Variants in ARHGAP22 observed in about 807,000 individuals in gnomAD.
The protein encoded by ARHGAP22 is Rho GTPase activating protein 22, also known as rho GTPase-activating protein 22.
A neutral mutation model predicts 59.1 loss-of-function variants in ARHGAP22; 48 were observed. That is an observed-to-expected ratio of 0.81 (90% CI 0.64 to 1.03). The LOEUF is 1.03. Ranked by LOEUF, ARHGAP22 falls within the 50% of genes least tolerant of loss-of-function variation. ARHGAP22 has a pLI of 0.00. For missense variants in ARHGAP22, 1,015 were observed against 958.7 expected (o/e 1.06, Z -0.78); for synonymous variants, 445 against 416.4 (o/e 1.07, Z -0.84).
the ARHGAP22 span, among the ~76,000 whole-genome samples, chr10:48,434,135 A>G: frequency 6.6e-6 from 1 of 152,190 alleles, no homozygotes; most frequent in Non-Finnish European, 1.5e-5. Context: ...AATCCAGGAA[A>G]TGCTTGTTAG....
rs548814141 is a variant in ARHGAP22 at position 48,530,967 on chromosome 10, C to T, written c.322+24496G>A. 9.9e-4 allele frequency among the ~76,000 whole-genome samples: 151 copies of T among 152,322 alleles called. 2 individuals are homozygous for T. Among genetic ancestry groups the T allele is most frequent in the Non-Finnish European group, 1.9e-3 (131 of 68,034 alleles). On this transcript the variant is annotated intron_variant, in intron 3 of 9. Coordinates refer to ENST00000249601, the MANE Select transcript of ARHGAP22 (RefSeq NM_021226.4). ...AGTCATTATATGAAAAAGATACTTG[C>T]ACACGCATGTTTATAGCAGCGCAAT...
intron 4 of ARHGAP22, among the ~76,000 whole-genome samples, chr10:48,466,380 C>A (rs4444029): frequency 2.0e-5 from 3 of 151,990 alleles, no homozygotes; most frequent in African/African-American, 7.2e-5. Context: ...GCACGACCCT[C>A]GCCCCCTGGG....
At chr10:48,507,911 TGGGGTGGGGGTGGGGGTG>T (rs1396846713) in intron 3 of ARHGAP22, among the ~76,000 whole-genome samples, 24 of 4,784 alleles carry the variant, frequency 5.0e-3, no homozygotes, top group African/African-American at 0.018. Context: ...GGGGTGGGGG[TGGGGTGGGGGTGGGGGTG>T]GGGGGGGATC....
intron 1 of ARHGAP22, among the ~76,000 whole-genome samples, chr10:48,591,193 G>T (rs959366250): frequency 6.6e-6 from 1 of 152,160 alleles, no homozygotes; most frequent in Non-Finnish European, 1.5e-5. Context: ...CTGCGAGCCC[G>T]CAGACTCAAA....
rs1196598791 is a variant in ARHGAP22, at chr10:48,450,491, G to T, written c.1638C>A (p.Asp546Glu). 6.5e-7 allele frequency: 1 copy of T among 1,533,648 alleles called. No individual in the cohort carries two copies. The highest frequency in any genetic ancestry group is 1.4e-5 in the African/African-American group (1 of 73,194). Reference sequence around the variant, plus strand: ...GGAGCGGGGAGGGCTCCAGGGCCCAGTCGGTGTGCAGGGAACTGCGGGCAG... The same window carrying T: ...GGAGCGGGGAGGGCTCCAGGGCCCATTCGGTGTGCAGGGAACTGCGGGCAG... ...DSSARSSLHT[D>E]WALEPSPLPS... Residue 546 changes from aspartate (D) to glutamate (E), a missense_variant, in exon 9 of 10, where the codon GAC becomes GAA. By Grantham distance (45) the Asp-to-Glu change is conservative. Coordinates refer to ENST00000249601, the MANE Select transcript of ARHGAP22 (RefSeq NM_021226.4).
upstream of ARHGAP22, among the ~76,000 whole-genome samples, chr10:48,609,175 AT>A (rs2060786820): frequency 6.6e-6 from 1 of 152,208 alleles, no homozygotes; most frequent in South Asian, 2.1e-4. Flanking sequence ...TTTCCACCAC[AT>A]TCACTCTGTC....
intron 8 of ARHGAP22, 43 bp downstream of exon 8, chr10:48,453,261 A>G (rs779247432): frequency 6.2e-7 from 1 of 1,610,104 alleles, no homozygotes; most frequent in African/African-American, 1.3e-5. Context: ...ATGAGCCCAG[A>G]CCCCGGCAGC....
At chr10:48,605,790 CT>C (rs2060648029), upstream of ARHGAP22, among the ~76,000 whole-genome samples, 1 of 152,156 alleles carries the variant, frequency 6.6e-6, no homozygotes, top group Admixed American at 6.5e-5. Flanking sequence ...TCTCAAACTC[CT>C]GAAGCAGGTG....
chr10:48,434,562 A>G, the ARHGAP22 span, among the ~76,000 whole-genome samples: 1 of 152,210 alleles, frequency 6.6e-6, no homozygotes, highest in Non-Finnish European at 1.5e-5. Context: ...GTATTCACAC[A>G]TACCCTGAAG....
the ARHGAP22 span, among the ~76,000 whole-genome samples, chr10:48,431,727 T>C: frequency 6.6e-6 from 1 of 152,216 alleles, no homozygotes; most frequent in Non-Finnish European, 1.5e-5. Flanking sequence ...CTAGAAAGTA[T>C]TCTTTCTCTA....
chr10:48,489,730 CTT>C (rs377099863), intron 3 of ARHGAP22, among the ~76,000 whole-genome samples: 17 of 119,594 alleles, frequency 1.4e-4, no homozygotes, highest in African/African-American at 4.5e-4. Flanking sequence ...GAGGCTGCCT[CTT>C]TTTTTTTTTT....
In ARHGAP22 at chr10:48,446,119, T is replaced by G; in HGVS notation, c.*272A>C. On this transcript the variant is annotated 3_prime_UTR_variant, in exon 10 of 10. Coordinates refer to ENST00000249601, the MANE Select transcript of ARHGAP22 (RefSeq NM_021226.4). ...TGGGCGCCCTCCATTTCTGTGGCCA[T>G]GAAGGATATTTCCTGGGTAAGGGCT... 2.1e-6 allele frequency: 1 copy of G among 475,158 alleles called. No individual in the cohort carries two copies. The allele number at this position is 475,158 out of a possible 1,614,324, so 29.4% of individuals were successfully genotyped here.
At chr10:48,509,026 G>A (rs761358689) in intron 3 of ARHGAP22, among the ~76,000 whole-genome samples, 1 of 152,354 alleles carries the variant, frequency 6.6e-6, no homozygotes, top group Non-Finnish European at 1.5e-5. Context: ...GAATGCCCGC[G>A]GCTCTGAAAC....
chr10:48,641,699 C>T (rs1027886037), intron 1 of ARHGAP22, among the ~76,000 whole-genome samples: 52 of 152,182 alleles, frequency 3.4e-4, no homozygotes, highest in Non-Finnish European at 6.5e-4. Context: ...CAGGGATGCC[C>T]TCTCTCACCA....
At chr10:48,435,001 CAGCTG>C in the ARHGAP22 span, 1 of 1,595,074 alleles carries the variant, frequency 6.3e-7, no homozygotes, top group Non-Finnish European at 8.5e-7. Flanking sequence ...CTAGAAGCAG[CAGCTG>C]GGCCTCTGGG....
At chr10:48,601,431 C>T (rs1426159854) in intron 1 of ARHGAP22, among the ~76,000 whole-genome samples, 2 of 152,286 alleles carry the variant, frequency 1.3e-5, no homozygotes, top group African/African-American at 4.8e-5. Context: ...ACAGAGGCAG[C>T]CACTTTCAAC....
At chr10:48,548,168 C>T (rs1012061586) in intron 3 of ARHGAP22, among the ~76,000 whole-genome samples, 2 of 152,146 alleles carry the variant, frequency 1.3e-5, no homozygotes, top group Non-Finnish European at 2.9e-5. Context: ...CACAGAGTAC[C>T]ACCCGCTCGC....
intron 1 of ARHGAP22, among the ~76,000 whole-genome samples, chr10:48,593,713 A>G (rs893184198): frequency 6.6e-6 from 1 of 152,276 alleles, no homozygotes; most frequent in Non-Finnish European, 1.5e-5. Flanking sequence ...TTTAAAACTT[A>G]TGAATCGTTT....
intron 3 of ARHGAP22, among the ~76,000 whole-genome samples, chr10:48,507,967 C>T (rs1004396553): frequency 1.1e-4 from 16 of 151,844 alleles, no homozygotes; most frequent in Non-Finnish European, 1.8e-4. Context: ...AGTCCCTTGC[C>T]TGAAGCCCTG....
Sources: allele counts gnomAD v4.1 joint callset (sites outside exome capture counted in the v4.1 genomes callset), GRCh38; gene constraint gnomAD v4.1.1; transcripts MANE v1.5; gene names NCBI Gene and HGNC (gene_info 2026-07-23, HGNC 2026-07-21).